Variants in GPLD1 observed in about 807,000 individuals in gnomAD.
GPLD1 encodes phosphatidylinositol-glycan-specific phospholipase D.
GPLD1 carries 84 observed loss-of-function variants against 112.6 expected under a neutral mutation model. The ratio of observed to expected loss-of-function variants is 0.75; its 90% CI spans 0.63 to 0.89. GPLD1 has a LOEUF of 0.89. GPLD1 is among the 40% of genes least tolerant of loss of function. GPLD1 has a pLI of 0.00. For synonymous variants in GPLD1, 386 were observed against 403.8 expected (o/e 0.96, Z 0.53); for missense variants, 1,044 against 1,051.5 (o/e 0.99, Z 0.10).
At chr6:24,459,782 T>G (rs1745100808) in intron 12 of GPLD1, among the ~76,000 whole-genome samples, 1 of 152,248 alleles carries the variant, frequency 6.6e-6, no homozygotes, top group Non-Finnish European at 1.5e-5. Flanking sequence ...CCTTCAACAT[T>G]GTGAACGCCT....
intron 12 of GPLD1, among the ~76,000 whole-genome samples, chr6:24,457,595 C>A (rs1229662471): frequency 6.6e-6 from 1 of 152,094 alleles, no homozygotes; most frequent in Non-Finnish European, 1.5e-5. Flanking sequence ...AGATATCCTC[C>A]AGACCGGCCA....
At chr6:24,438,469 T>G (rs988023630) in intron 20 of GPLD1, among the ~76,000 whole-genome samples, 2 of 152,210 alleles carry the variant, frequency 1.3e-5, no homozygotes, top group Non-Finnish European at 2.9e-5. Flanking sequence ...CCACTGAGTT[T>G]TGTGTGTAAA....
chr6:24,480,074 AAAGGGAAAAAGG>A, intron 2 of GPLD1, 115 bp from the exon 3 acceptor site: 1 of 656,438 alleles, frequency 1.5e-6, no homozygotes. Context: ...AGATGGAATG[AAAGGGAAAAAGG>A]AAGGAAAGCA....
Position 24,449,847 on chromosome 6 carries a change from C to A in GPLD1, c.1388G>T (p.Gly463Val). The change falls in exon 15 of 25, where the codon GGC becomes GTC. Residue 463 changes from glycine to valine, a missense_variant. Transcript: ENST00000230036. ...ALAVLDFNVD[G>V]VPDLAVGAPS... ...AGCTCCCACGGCCAGGTCAGGCACG[C>A]CGTCCACGTTAAAGTCCAACACAGC... 1 of 1,613,978 alleles carries A rather than the reference C, an allele frequency of 6.2e-7. No homozygotes were observed. The highest frequency in any genetic ancestry group is 8.5e-7 in the Non-Finnish European group (1 of 1,179,968).
chr6:24,491,101 G>T (rs373121977), upstream of GPLD1, among the ~76,000 whole-genome samples: 3 of 152,184 alleles, frequency 2.0e-5, no homozygotes, highest in African/African-American at 7.2e-5. Flanking sequence ...ACAACCAGCT[G>T]CAGCCAAAGA....
chr6:24,487,717 T>A (rs1764424119), intron 1 of GPLD1, among the ~76,000 whole-genome samples: 1 of 152,236 alleles, frequency 6.6e-6, no homozygotes, highest in Non-Finnish European at 1.5e-5. Context: ...TTGCTCAGAA[T>A]CACACATCTA....
At position 24,460,803 on chromosome 6, in the gene GPLD1, G is replaced by A. The variant is rs533701349; in HGVS notation, c.888-404C>T. Among the ~76,000 whole-genome samples the A allele has an allele frequency of 5.4e-5, 8 of 148,728 alleles. No homozygotes were observed. In the South Asian group the frequency reaches 8.5e-4, roughly 16 times the overall value. ...CACCTAGGCTGCAGTGCAGTGGCACGATCTCGGCTCATTGCAACCTTCGCC... is the reference window on the plus strand; with the variant it reads ...CACCTAGGCTGCAGTGCAGTGGCACAATCTCGGCTCATTGCAACCTTCGCC... On this transcript the variant is annotated intron_variant, in intron 11 of 24. Transcript: ENST00000230036.
intron 20 of GPLD1, among the ~76,000 whole-genome samples, chr6:24,440,557 A>C (rs1203989496): frequency 1.3e-5 from 2 of 148,152 alleles, no homozygotes; most frequent in Non-Finnish European, 3.0e-5. Flanking sequence ...ATATTTGATC[A>C]TTATCAAAAG....
Position 24,433,248 on chromosome 6 carries a change from T to G in GPLD1, c.2386-11A>C. 1 of 1,610,744 alleles carries G rather than the reference T, an allele frequency of 6.2e-7. No individual in the cohort carries two copies. The highest frequency in any genetic ancestry group is 8.5e-7 in the Non-Finnish European group (1 of 1,176,902). ...AAACCTTGAGCTGGCCTGTAAAACA[T>G]GCCGTCTGTTAATGGGCTTTGAAGA... On this transcript the variant is annotated splice_polypyrimidine_tract_variant and intron_variant, in intron 23 of 24. Coordinates refer to ENST00000230036, the MANE Select transcript of GPLD1 (RefSeq NM_001503.4).
intron 13 of GPLD1, among the ~76,000 whole-genome samples, chr6:24,455,805 G>C (rs910678588): frequency 6.6e-6 from 1 of 152,142 alleles, no homozygotes; most frequent in East Asian, 1.9e-4. Context: ...TTAGTAAACC[G>C]AAAGTTCCTT....
chr6:24,457,688 C>T (rs1763311396), intron 12 of GPLD1, among the ~76,000 whole-genome samples: 1 of 151,918 alleles, frequency 6.6e-6, no homozygotes, highest in Admixed American at 6.6e-5. Flanking sequence ...CGAGACCAGC[C>T]TGGCCAATAT....
upstream of GPLD1, among the ~76,000 whole-genome samples, chr6:24,490,856 A>C (rs1430852003): frequency 6.6e-6 from 1 of 152,088 alleles, no homozygotes; most frequent in Middle Eastern, 3.2e-3. Flanking sequence ...GCACAGCCCC[A>C]AGGAAAGAAA....
At chr6:24,445,011 TTTATC>T (rs1306685694) in intron 20 of GPLD1, among the ~76,000 whole-genome samples, 4 of 149,832 alleles carry the variant, frequency 2.7e-5, no homozygotes, top group South Asian at 4.1e-4. Context: ...CAAATTTTAT[TTTATC>T]TTATTTTATT....
At chr6:24,490,422 A>C (rs1207456413), upstream of GPLD1, among the ~76,000 whole-genome samples, 2 of 152,194 alleles carry the variant, frequency 1.3e-5, no homozygotes, top group Non-Finnish European at 2.9e-5. Context: ...AATAGTATTC[A>C]CTTCAGGTTT....
chr6:24,468,733 G>A (rs1763701785), intron 7 of GPLD1, among the ~76,000 whole-genome samples: 1 of 152,046 alleles, frequency 6.6e-6, no homozygotes, highest in African/African-American at 2.4e-5. Flanking sequence ...CAACTGACCT[G>A]TAAGGGGACT....
upstream of GPLD1, among the ~76,000 whole-genome samples, chr6:24,493,432 C>T (rs1026763084): frequency 5.9e-4 from 90 of 152,286 alleles, no homozygotes; most frequent in Admixed American, 5.8e-3. Flanking sequence ...GCTGAAATCG[C>T]ACCACTGCAC....
chr6:24,451,868 A>G (rs1386811376), intron 14 of GPLD1, among the ~76,000 whole-genome samples: 4 of 152,210 alleles, frequency 2.6e-5, no homozygotes, highest in Admixed American at 6.5e-5. Context: ...GTGGGAACCA[A>G]TAACTCAGGG....
chr6:24,466,407 G>C (rs1333755545), intron 10 of GPLD1, among the ~76,000 whole-genome samples: 1 of 152,174 alleles, frequency 6.6e-6, no homozygotes, highest in Non-Finnish European at 1.5e-5. Context: ...CTGCCTGGCT[G>C]AGCCATTTCT....
intron 14 of GPLD1, among the ~76,000 whole-genome samples, chr6:24,450,721 A>C (rs1351089047): frequency 1.3e-5 from 2 of 152,212 alleles, no homozygotes; most frequent in East Asian, 3.9e-4. Flanking sequence ...TTATGCCTGT[A>C]ATCCCAGCAC....
Sources: gnomAD v4.1 joint callset for allele counts (sites outside exome capture counted in the v4.1 genomes callset) on GRCh38, gnomAD v4.1.1 for gene constraint, MANE v1.5 for transcripts, NCBI Gene and HGNC (gene_info 2026-07-23, HGNC 2026-07-21) for gene names.